The following MAGI2 variants were observed in gnomAD, a reference collection of about 807,000 sequenced individuals.
MAGI2 encodes the protein membrane associated guanylate kinase, WW and PDZ domain containing 2.
In MAGI2, 35 loss-of-function variants were observed where a neutral mutation model predicts 133.3. The ratio of observed to expected loss-of-function variants is 0.26; its 90% confidence interval spans 0.20 to 0.35. The LOEUF is 0.35. MAGI2 is among the 10% of genes least tolerant of loss of function. The pLI is 1.00. For missense variants in MAGI2, 1,636 were observed against 1,863.4 expected (o/e 0.88, Z 2.25); for synonymous variants, 729 against 710.6 (o/e 1.03, Z -0.41).
At chr7:79,151,592 C>G (rs935480098) in intron 1 of MAGI2, among the ~76,000 whole-genome samples, 1 of 151,622 alleles carries the variant, frequency 6.6e-6, no homozygotes, top group African/African-American at 2.4e-5. Flanking sequence ...ATTAGAAATA[C>G]CCCCTGGACA....
At chr7:78,444,125 G>C (rs1449992240) in intron 6 of MAGI2, among the ~76,000 whole-genome samples, 2 of 152,018 alleles carry the variant, frequency 1.3e-5, no homozygotes, top group Admixed American at 6.6e-5. Context: ...TCAGGGTTGA[G>C]CTTTAGTCAG....
chr7:78,960,973 G>A (rs1389959000), intron 2 of MAGI2, among the ~76,000 whole-genome samples: 2 of 152,090 alleles, frequency 1.3e-5, no homozygotes, highest in African/African-American at 4.8e-5. Flanking sequence ...CTCCAGGATA[G>A]GGAATTTGGG....
In MAGI2 at chr7:78,151,758, C is replaced by T. The variant is rs146580660; in HGVS notation, c.2845+8267G>A. On this transcript the variant is annotated intron_variant, in intron 16 of 21. Coordinates refer to ENST00000354212, the MANE Select transcript of MAGI2 (RefSeq NM_012301.4). Reference sequence around the variant, plus strand: ...AAGGACCAGCTTTCATGTAATTCCTCCCCTAAGTGATCCTCTACTGCATCG... The same window carrying T: ...AAGGACCAGCTTTCATGTAATTCCTTCCCTAAGTGATCCTCTACTGCATCG... Among the ~76,000 whole-genome samples, 687 of 152,312 alleles carry T rather than the reference C, an allele frequency of 4.5e-3. 2 individuals carry two copies. Among genetic ancestry groups the T allele is most frequent in the African/African-American group, 0.015 (641 of 41,570 alleles).
At chr7:79,295,384 A>C (rs2129559194) in intron 1 of MAGI2, among the ~76,000 whole-genome samples, 1 of 152,304 alleles carries the variant, frequency 6.6e-6, no homozygotes, top group African/African-American at 2.4e-5. Context: ...TTCAGTATAA[A>C]ATAATCAGTG....
rs191427450 is a variant in MAGI2, at chr7:78,845,073, T to C, written c.418+162017A>G. 6.6e-5 allele frequency among the ~76,000 whole-genome samples: 10 copies of C among 152,032 alleles called. No homozygotes were observed. In the East Asian group the frequency reaches 1.2e-3, roughly 18 times the overall value. ...TTCAAAGTGCCTATCTATAAATATC[T>C]CTAGAAGTAACTGTTCCCCCTGGAA... On this transcript the variant is annotated intron_variant, in intron 2 of 21. Coordinates refer to ENST00000354212, the MANE Select transcript of MAGI2 (RefSeq NM_012301.4).
rs199778935 is a variant in MAGI2, at chr7:78,669,098, C to CA, written c.419-41860dup. 3.0e-3 allele frequency among the ~76,000 whole-genome samples: 457 copies of CA among 151,990 alleles called. 19 individuals are homozygous for CA. In the East Asian group the frequency reaches 0.075, roughly 25 times the overall value. On this transcript the variant is annotated intron_variant, in intron 2 of 21. Transcript: ENST00000354212. ...AGCAGAACTGAAGCAAATAGAGACA[C>CA]AAAAAACCTTTCAAAAAATTAATGA...
intron 1 of MAGI2, among the ~76,000 whole-genome samples, chr7:79,254,021 T>C (rs1040309168): frequency 2.6e-4 from 39 of 151,288 alleles, no homozygotes; most frequent in African/African-American, 8.5e-4. Context: ...ACAAAAAAGG[T>C]TACTGTTAAC....
intron 6 of MAGI2, among the ~76,000 whole-genome samples, chr7:78,380,199 T>C (rs1332513924): frequency 6.6e-6 from 1 of 151,472 alleles, no homozygotes; most frequent in African/African-American, 2.4e-5. Flanking sequence ...AAAAAAATTG[T>C]ACAAAATAGA....
At chr7:78,773,653 G>A (rs1011952811) in intron 2 of MAGI2, among the ~76,000 whole-genome samples, 1 of 152,056 alleles carries the variant, frequency 6.6e-6, no homozygotes, top group Non-Finnish European at 1.5e-5. Context: ...TCCTTAAGGC[G>A]AGGCAGGACA....
chr7:78,375,933 G>C (rs1794409514), intron 6 of MAGI2, among the ~76,000 whole-genome samples: 1 of 152,028 alleles, frequency 6.6e-6, no homozygotes, highest in Non-Finnish European at 1.5e-5. Context: ...ATTGTGCAAG[G>C]ATAAAATATA....
intron 3 of MAGI2, among the ~76,000 whole-genome samples, chr7:78,586,347 C>T (rs12536922): frequency 6.6e-6 from 1 of 152,052 alleles, no homozygotes; most frequent in African/African-American, 2.4e-5. Context: ...GGAGTTCCAG[C>T]TAAGAGTCCC....
At chr7:79,105,925 A>C (rs1376191563) in intron 1 of MAGI2, among the ~76,000 whole-genome samples, 1 of 152,138 alleles carries the variant, frequency 6.6e-6, no homozygotes, top group African/African-American at 2.4e-5. Context: ...TTTTCTCAAA[A>C]TAAGTTTTGT....
intron 2 of MAGI2, among the ~76,000 whole-genome samples, chr7:78,632,049 T>C (rs1231377167): frequency 6.6e-6 from 1 of 152,212 alleles, no homozygotes; most frequent in African/African-American, 2.4e-5. Flanking sequence ...AGGATTATTG[T>C]ATGTTAAGTA....
At chr7:78,973,621 A>G (rs1329850416) in intron 2 of MAGI2, among the ~76,000 whole-genome samples, 1 of 151,772 alleles carries the variant, frequency 6.6e-6, no homozygotes, top group East Asian at 1.9e-4. Context: ...TAACTGGAGA[A>G]GCCTTATTTC....
chr7:78,028,964 A>T (rs1363543274), intron 21 of MAGI2, among the ~76,000 whole-genome samples: 1 of 152,148 alleles, frequency 6.6e-6, no homozygotes, highest in African/African-American at 2.4e-5. Context: ...AGTAAGTGAG[A>T]ATCAGGATAA....
chr7:78,542,688 C>G (rs1481219038), intron 3 of MAGI2, among the ~76,000 whole-genome samples: 1 of 152,084 alleles, frequency 6.6e-6, no homozygotes, highest in African/African-American at 2.4e-5. Context: ...ACCGATGAAA[C>G]CTAACGTGAC....
At chr7:79,078,688 T>A (rs2129541725) in intron 1 of MAGI2, among the ~76,000 whole-genome samples, 1 of 152,362 alleles carries the variant, frequency 6.6e-6, no homozygotes, top group African/African-American at 2.4e-5. Context: ...AGTATCTTGG[T>A]AATTGGAAGT....
intron 1 of MAGI2, among the ~76,000 whole-genome samples, chr7:79,398,361 C>T (rs1267928602): frequency 6.6e-6 from 1 of 152,130 alleles, no homozygotes; most frequent in African/African-American, 2.4e-5. Flanking sequence ...TCTTAAGGCC[C>T]AGATTTTCCT....
chr7:78,755,295 G>T (rs959355787), intron 2 of MAGI2, among the ~76,000 whole-genome samples: 1 of 152,130 alleles, frequency 6.6e-6, no homozygotes, highest in African/African-American at 2.4e-5. Context: ...GGTAACTATG[G>T]CAGCTTAGGA....
Sources: allele counts gnomAD v4.1 joint callset (sites outside exome capture counted in the v4.1 genomes callset), GRCh38; gene constraint gnomAD v4.1.1; transcripts MANE v1.5; gene names NCBI Gene and HGNC (gene_info 2026-07-23, HGNC 2026-07-21).